Variants in SYNPR observed in about 807,000 individuals in gnomAD.
The protein encoded by SYNPR is synaptoporin.
SYNPR carries 23 observed loss-of-function variants against 32.9 expected under a neutral mutation model. The observed-to-expected ratio is 0.70, with a 90% CI of 0.50 to 0.99. The LOEUF is 0.99. SYNPR is among the 50% of genes least tolerant of loss of function. SYNPR has a pLI of 0.00. For missense variants in SYNPR, 318 were observed against 349.3 expected (o/e 0.91, Z 0.71); for synonymous variants, 146 against 135.9 (o/e 1.07, Z -0.52).
At chr3:63,604,928 C>T (rs572039745) in intron 4 of SYNPR, among the ~76,000 whole-genome samples, 11 of 152,276 alleles carry the variant, frequency 7.2e-5, no homozygotes, top group African/African-American at 2.4e-4. Context: ...TCTAATTCTA[C>T]CATTGCCACT....
chr3:63,332,741 C>A (rs541489655), intron 2 of SYNPR, among the ~76,000 whole-genome samples: 1 of 152,252 alleles, frequency 6.6e-6, no homozygotes, highest in East Asian at 1.9e-4. Flanking sequence ...AGTGACTTCC[C>A]CAAAGTCACC....
chr3:63,253,537 A>C (rs2086355734), intron 2 of SYNPR, among the ~76,000 whole-genome samples: 1 of 152,220 alleles, frequency 6.6e-6, no homozygotes, highest in Non-Finnish European at 1.5e-5. Flanking sequence ...TTGATGTATA[A>C]GATTTTTAAA....
intron 2 of SYNPR, among the ~76,000 whole-genome samples, chr3:63,326,107 C>A (rs2087164364): frequency 1.3e-5 from 2 of 152,026 alleles, no homozygotes; most frequent in African/African-American, 4.8e-5. Context: ...AATTGGTTGA[C>A]AATTCAAGTT....
rs71126590 is a variant in SYNPR, at chr3:63,265,241, C to CTTTTTTTTTTTTTT, written n.155-2063_155-2050dup. 6.5e-3 allele frequency among the ~76,000 whole-genome samples: 662 copies of CTTTTTTTTTTTTTT among 102,152 alleles called. 66 individuals are homozygous for CTTTTTTTTTTTTTT. The highest frequency in any genetic ancestry group is 0.016 in the Middle Eastern group (3 of 184). 67.0% of individuals were successfully genotyped at this position (102,152 alleles called of 152,430 possible). ...TGGCAATTTGGTTTCTAATGACATT[C>CTTTTTTTTTTTTTT]TTTTTTTTTTTTTTTTTTTTTTTTT... On this transcript the variant is annotated intron_variant and non_coding_transcript_variant, in intron 2 of 4. Transcript: ENST00000478456.
At chr3:63,428,017 C>T (rs568389382) in intron 2 of SYNPR, among the ~76,000 whole-genome samples, 1 of 152,304 alleles carries the variant, frequency 6.6e-6, no homozygotes, top group East Asian at 1.9e-4. Context: ...TATTTTCTGT[C>T]TGCTCATTTA....
At chr3:63,328,321 C>T (rs1419614543) in intron 2 of SYNPR, among the ~76,000 whole-genome samples, 4 of 152,156 alleles carry the variant, frequency 2.6e-5, no homozygotes, top group African/African-American at 9.7e-5. Context: ...ATCTTGTATT[C>T]AGGCTGCACA....
At chr3:63,321,501 A>C (rs2087110859) in intron 2 of SYNPR, among the ~76,000 whole-genome samples, 1 of 152,074 alleles carries the variant, frequency 6.6e-6, no homozygotes, top group African/African-American at 2.4e-5. Flanking sequence ...GGCACAGAAG[A>C]AAGAGCAATT....
chr3:63,460,752 C>G (rs1336143320), intron 2 of SYNPR, among the ~76,000 whole-genome samples: 2 of 151,976 alleles, frequency 1.3e-5, no homozygotes, highest in African/African-American at 2.4e-5. Flanking sequence ...TGGAGGACAA[C>G]TGAATGGTGA....
intron 2 of SYNPR, among the ~76,000 whole-genome samples, chr3:63,279,474 T>C (rs2086608288): frequency 6.6e-6 from 1 of 152,140 alleles, no homozygotes; most frequent in Non-Finnish European, 1.5e-5. Flanking sequence ...ACCCTGACGC[T>C]CTTATTGCAA....
chr3:63,220,431 C>T, the SYNPR span, among the ~76,000 whole-genome samples: 1 of 152,118 alleles, frequency 6.6e-6, no homozygotes, highest in Middle Eastern at 3.2e-3. Flanking sequence ...TTCCCTCCTG[C>T]ACTCTGCTAT....
chr3:63,205,541 C>G, the SYNPR span, among the ~76,000 whole-genome samples: 1 of 152,252 alleles, frequency 6.6e-6, no homozygotes, highest in Non-Finnish European at 1.5e-5. Flanking sequence ...ACCCCTGTCA[C>G]TGTTAAAGTT....
chr3:63,256,506 G>A (rs962446788), intron 2 of SYNPR, among the ~76,000 whole-genome samples: 21 of 152,212 alleles, frequency 1.4e-4, no homozygotes, highest in Non-Finnish European at 4.4e-5. Context: ...GCAGCTGAGG[G>A]TCCTGACTGT....
intron 4 of SYNPR, among the ~76,000 whole-genome samples, chr3:63,561,187 T>G (rs1468785251): frequency 6.6e-6 from 1 of 152,214 alleles, no homozygotes; most frequent in Non-Finnish European, 1.5e-5. Flanking sequence ...CATGACATTA[T>G]ACATCCTGCA....
intron 1 of SYNPR, among the ~76,000 whole-genome samples, chr3:63,239,797 T>C (rs2086227629): frequency 6.6e-6 from 1 of 151,036 alleles, no homozygotes. Flanking sequence ...CACACACCCA[T>C]CCTAACATTG....
chr3:63,560,376 A>G (rs557709821), intron 4 of SYNPR, among the ~76,000 whole-genome samples: 4 of 152,200 alleles, frequency 2.6e-5, no homozygotes, highest in Non-Finnish European at 5.9e-5. Context: ...TTGGGGAAGT[A>G]AGGGGTGCTA....
intron 3 of SYNPR, among the ~76,000 whole-genome samples, chr3:63,499,210 A>G (rs2106732808): frequency 6.6e-6 from 1 of 152,266 alleles, no homozygotes; most frequent in South Asian, 2.1e-4. Context: ...ACTGGCTAAT[A>G]GAAAGCATAT....
chr3:63,256,015 C>G (rs2086379170), intron 2 of SYNPR, among the ~76,000 whole-genome samples: 1 of 152,172 alleles, frequency 6.6e-6, no homozygotes, highest in South Asian at 2.1e-4. Flanking sequence ...AGCAGCAAGG[C>G]TGGGGGAGGG....
the SYNPR span, chr3:63,203,068 G>GTGTGTGTATATATATA: frequency 2.8e-5 from 3 of 108,582 alleles, no homozygotes; most frequent in African/African-American, 9.2e-5. Context: ...ATATGTATGT[G>GTGTGTGTATATATATA]TATATATATA....
intron 2 of SYNPR, among the ~76,000 whole-genome samples, chr3:63,431,794 C>T (rs1700001246): frequency 6.6e-6 from 1 of 151,116 alleles, no homozygotes; most frequent in South Asian, 2.1e-4. Flanking sequence ...CATAATCTTT[C>T]CTTGGAGTCC....
Sources: allele counts gnomAD v4.1 joint callset (sites outside exome capture counted in the v4.1 genomes callset), GRCh38; gene constraint gnomAD v4.1.1; transcripts MANE v1.5; gene names NCBI Gene and HGNC (gene_info 2026-07-23, HGNC 2026-07-21).